PTPRF: variants seen among roughly 807,000 people sequenced by gnomAD.
PTPRF encodes receptor-type tyrosine-protein phosphatase F.
In PTPRF, 59 loss-of-function variants were observed where a neutral mutation model predicts 201.8. The observed-to-expected ratio is 0.29, with a 90% CI of 0.24 to 0.36. PTPRF has a LOEUF of 0.36. PTPRF is among the 10% of genes least tolerant of loss of function. The pLI is 1.00. For synonymous variants in PTPRF, 1,088 were observed against 1,089.7 expected (o/e 1.00, Z 0.03); for missense variants, 2,132 against 2,690.5 (o/e 0.79, Z 4.59).
chr1:43,522,953 G>T (rs575819459), upstream of PTPRF, among the ~76,000 whole-genome samples: 2 of 152,170 alleles, frequency 1.3e-5, no homozygotes, highest in African/African-American at 4.8e-5. Flanking sequence ...GAGATAAGAT[G>T]GGGGAGGGGC....
chr1:43,558,479 C>G (rs1014210912), intron 5 of PTPRF, among the ~76,000 whole-genome samples: 1 of 152,132 alleles, frequency 6.6e-6, no homozygotes, highest in Admixed American at 6.5e-5. Flanking sequence ...TTGACACCCC[C>G]GCCAGGACTG....
intron 5 of PTPRF, among the ~76,000 whole-genome samples, chr1:43,563,772 C>T (rs1051294364): frequency 3.3e-5 from 5 of 152,086 alleles, no homozygotes; most frequent in African/African-American, 9.7e-5. Flanking sequence ...TGGAAGGGCC[C>T]GAACCTAGGG....
chr1:43,539,128 C>T (rs1305176303), intron 2 of PTPRF, among the ~76,000 whole-genome samples: 5 of 152,022 alleles, frequency 3.3e-5, no homozygotes, highest in African/African-American at 4.8e-5. Flanking sequence ...GGTCTGTGTG[C>T]GGGATGGGTT....
rs554415804 is a variant in PTPRF, at chr1:43,612,891, C to G, written c.3974-727C>G. 2.7e-6 allele frequency: 3 copies of G among 1,108,880 alleles called. No homozygotes were observed. In the African/African-American group the frequency reaches 4.8e-5, roughly 18 times the overall value. The allele number at this position is 1,108,880 out of a possible 1,614,324, so 68.7% of individuals were successfully genotyped here. A position where few individuals can be genotyped will look rare whatever the true frequency, so the allele number is the denominator to read the frequency against. ...TTTTGTTTACCCCATCGCCTCCATC[C>G]TTCCTTGAATTCTTCTCTCCCCTTC... On this transcript the variant is annotated intron_variant, in intron 22 of 33. Coordinates refer to ENST00000359947, the MANE Select transcript of PTPRF (RefSeq NM_002840.5).
At chr1:43,552,738 G>A (rs115193996) in intron 3 of PTPRF, among the ~76,000 whole-genome samples, 1 of 152,296 alleles carries the variant, frequency 6.6e-6, no homozygotes, top group African/African-American at 2.4e-5. Flanking sequence ...CTGTGGACTG[G>A]CCCTGGTATG....
At chr1:43,574,425 GA>G (rs938601675) in intron 6 of PTPRF, among the ~76,000 whole-genome samples, 158 of 152,032 alleles carry the variant, frequency 1.0e-3, no homozygotes, top group African/African-American at 3.7e-3. Context: ...CATTTTTAAG[GA>G]AAAATAGTTA....
In PTPRF at chr1:43,542,091, C is replaced by G. The variant is rs2153960104; in HGVS notation, c.-45-2940C>G. Among the ~76,000 whole-genome samples the G allele has an allele frequency of 6.6e-6, 1 of 152,310 alleles. No individual in the cohort carries two copies. Among genetic ancestry groups the G allele is most frequent in the East Asian group, 1.9e-4 (1 of 5,186 alleles). On this transcript the variant is annotated intron_variant, in intron 2 of 33. Coordinates refer to ENST00000359947, the MANE Select transcript of PTPRF (RefSeq NM_002840.5). The surrounding 1 kb of genome is among the most constrained non-coding windows in gnomAD (Gnocchi z 5.2). ...TCCCACCTTCTCCCCACAGGTGACC[C>G]TGGGACCCTGGGACTCTGGGGGCCA...
Position 43,588,950 on chromosome 1 carries a change from C to A in PTPRF, c.899C>A (p.Ala300Asp). 1 of 1,587,846 alleles carries A rather than the reference C, an allele frequency of 6.3e-7. No homozygotes were observed. Among genetic ancestry groups the A allele is most frequent in the South Asian group, 1.1e-5 (1 of 87,616 alleles). ...VVRSANYTCVAISSLGMIEAT... is the reference protein window; with the variant it reads ...VVRSANYTCVDISSLGMIEAT... ...CGCTCTGCCAACTACACCTGTGTGG[C>A]CATCTCCTCGCTGGGCATGATCGAG... Residue 300 changes from alanine (A) to aspartate (D), a missense_variant, in exon 8 of 34, where the codon GCC becomes GAC. Around this residue, in one of 6 missense-constraint regions of PTPRF, gnomAD observed 297 missense variants for 454.0 expected, o/e 0.65. Transcript: ENST00000359947. This position sits in a 1 kb window ranked among gnomAD's most constrained non-coding sequence, Gnocchi z 5.3.
chr1:43,522,246 C>T (rs568356244), upstream of PTPRF, among the ~76,000 whole-genome samples: 270 of 152,292 alleles, frequency 1.8e-3, no homozygotes, highest in South Asian at 4.3e-3. Flanking sequence ...GAGACAGCCA[C>T]GCAAATATCT....
At position 43,598,055 on chromosome 1, in the gene PTPRF, T is replaced by C; in HGVS notation, c.2119+2T>C. On this transcript the variant is annotated splice_donor_variant, in intron 12 of 33. Coordinates refer to ENST00000359947, the MANE Select transcript of PTPRF (RefSeq NM_002840.5). LOFTEE classifies it high-confidence loss of function. ...TGCTGGTGCGCACCGATGAGGACGG[T>C]AGGCAGTGCCACCGGGGCGGGAGGG... 6.8e-7 allele frequency: 1 copy of C among 1,468,740 alleles called. No homozygotes were observed. The highest frequency in any genetic ancestry group is 9.1e-7 in the Non-Finnish European group (1 of 1,102,694). 91.0% of individuals were successfully genotyped at this position (1,468,740 alleles called of 1,614,324 possible).
intron 2 of PTPRF, among the ~76,000 whole-genome samples, chr1:43,539,920 C>T (rs1214699662): frequency 1.3e-5 from 2 of 152,140 alleles, no homozygotes; most frequent in Non-Finnish European, 2.9e-5. Context: ...TGAGGCCAGG[C>T]GCCAGCAAAT....
rs553395316 is a variant in PTPRF, at chr1:43,553,303, A to G, written c.92-189A>G. On this transcript the variant is annotated intron_variant, in intron 3 of 33. Transcript: ENST00000359947. The surrounding 1 kb of genome is among the most constrained non-coding windows in gnomAD (Gnocchi z 4.1). ...GATACAGTTATAGCACTCACCTCATATGCTTAACAGAGTTAAAAAATGTTA... is the reference window on the plus strand; with the variant it reads ...GATACAGTTATAGCACTCACCTCATGTGCTTAACAGAGTTAAAAAATGTTA... Among the ~76,000 whole-genome samples the G allele has an allele frequency of 2.6e-5, 4 of 152,320 alleles. No individual in the cohort carries two copies. The South Asian group carries it at 8.3e-4, about 32-fold the overall frequency.
chr1:43,611,841 G>A (rs755842346), intron 22 of PTPRF, among the ~76,000 whole-genome samples: 1 of 152,172 alleles, frequency 6.6e-6, no homozygotes, highest in Non-Finnish European at 1.5e-5. Flanking sequence ...GAATGAGCAG[G>A]GGGTAGGGGT....
Position 43,569,597 on chromosome 1 carries a change from G to C in PTPRF, c.387G>C (p.Gln129His), listed in dbSNP as rs1306598175. ...SAKLSVLEEEQLPPGFPSIDM... is the reference protein window; with the variant it reads ...SAKLSVLEEEHLPPGFPSIDM... ...ATTGCTGTTTGTCTGCAGAGGAACAGCTGCCCCCTGGGTTCCCTTCCATCG... is the reference window on the plus strand; with the variant it reads ...ATTGCTGTTTGTCTGCAGAGGAACACCTGCCCCCTGGGTTCCCTTCCATCG... The change falls in exon 6 of 34, where the codon CAG (glutamine) becomes CAC (histidine). Residue 129 changes from glutamine to histidine, a missense_variant. Around this residue, in one of 6 missense-constraint regions of PTPRF, gnomAD observed 297 missense variants for 454.0 expected, o/e 0.65. Coordinates refer to ENST00000359947, the MANE Select transcript of PTPRF (RefSeq NM_002840.5). The C allele has an allele frequency of 6.2e-7, 1 of 1,604,730 alleles. No homozygotes were observed.
At chr1:43,606,533 C>T in intron 20 of PTPRF, 75 bp downstream of exon 20, 1 of 1,369,798 alleles carries the variant, frequency 7.3e-7, no homozygotes, top group Admixed American at 1.9e-5. Context: ...GTCTCAAACA[C>T]CACAAGACCC....
rs1654841369 is a variant in PTPRF, at chr1:43,605,406, C to T, written c.3352C>T (p.Leu1118Phe). Residue 1118 changes from leucine to phenylalanine, a missense_variant, in exon 18 of 34, where the codon CTC becomes TTC. By Grantham distance (22) the Leu-to-Phe change is conservative. Coordinates refer to ENST00000359947, the MANE Select transcript of PTPRF (RefSeq NM_002840.5). The stretch of plus-strand genomic sequence containing the variant: ...CTACATAGAGGACGGCCGCTTCGAT[C>T]TCTCCATGCCCCATGTGCAAGACCC... Reference protein sequence around the residue: ...SAYIEDGRFDLSMPHVQDPSL... With the variant: ...SAYIEDGRFDFSMPHVQDPSL... 1 of 1,612,978 alleles carries T rather than the reference C, an allele frequency of 6.2e-7. No individual in the cohort carries two copies. The highest frequency in any genetic ancestry group is 2.2e-5 in the East Asian group (1 of 44,850).
At chr1:43,565,610 CT>C (rs1197534294) in intron 5 of PTPRF, among the ~76,000 whole-genome samples, 1 of 152,118 alleles carries the variant, frequency 6.6e-6, no homozygotes, top group East Asian at 1.9e-4. Flanking sequence ...GGCCATGGCC[CT>C]GAGACGCGTA....
intron 1 of PTPRF, among the ~76,000 whole-genome samples, chr1:43,531,399 GC>G (rs1304343975): frequency 0.018 from 615 of 34,140 alleles, 2 homozygotes; most frequent in Non-Finnish European, 0.028. Context: ...GCCGCAGCCC[GC>G]CCCCCCCACC....
intron 12 of PTPRF, 98 bp downstream of exon 12, chr1:43,598,151 C>T: frequency 8.0e-7 from 1 of 1,243,412 alleles, no homozygotes; most frequent in South Asian, 1.8e-5. Flanking sequence ...AGGCCCAGGT[C>T]AACTCATCTT....
Sources: gnomAD v4.1 joint callset for allele counts (sites outside exome capture counted in the v4.1 genomes callset) on GRCh38, gnomAD v4.1.1 for gene constraint, gnomAD v4.1.1 regional missense constraint, Gnocchi (gnomAD v3.1) non-coding constraint, MANE v1.5 for transcripts, NCBI Gene and HGNC (gene_info 2026-07-23, HGNC 2026-07-21) for gene names.